PSMD14: variants seen among roughly 807,000 people sequenced by gnomAD.
PSMD14 encodes ubiquitin C-terminal hydrolase PSMD14.
PSMD14 carries 7 observed loss-of-function variants against 41.2 expected under a neutral mutation model. The observed-to-expected ratio is 0.17, with a 90% CI of 0.10 to 0.32. The LOEUF (loss-of-function observed/expected upper bound fraction) is 0.32. Ranked by LOEUF, PSMD14 falls within the 10% of genes least tolerant of loss-of-function variation. PSMD14 has a pLI of 1.00. For missense variants in PSMD14, 139 were observed against 375.6 expected, an observed-to-expected ratio of 0.37 and a Z score of 5.21; for synonymous variants, 114 against 122.3, an observed-to-expected ratio of 0.93 and a Z score of 0.45.
At chr2:161,390,448 T>A (rs1683696944) in intron 8 of PSMD14, among the ~76,000 whole-genome samples, 1 of 152,136 alleles carries the variant, frequency 6.6e-6, no homozygotes, top group South Asian at 2.1e-4. Flanking sequence ...TTTCAGGACA[T>A]CCAGGATTAT....
chr2:161,321,285 G>A (rs1486920775), intron 3 of PSMD14, among the ~76,000 whole-genome samples: 2 of 152,122 alleles, frequency 1.3e-5, no homozygotes, highest in Non-Finnish European at 2.9e-5. Context: ...ACAGGTAAAG[G>A]CCTCATATGA....
chr2:161,403,679 T>C (rs1243463181), intron 10 of PSMD14, among the ~76,000 whole-genome samples: 1 of 152,068 alleles, frequency 6.6e-6, no homozygotes, highest in African/African-American at 2.4e-5. Flanking sequence ...TTATCACTGT[T>C]GTGTTGTTGA....
intron 10 of PSMD14, among the ~76,000 whole-genome samples, chr2:161,405,529 G>A (rs1255788868): frequency 1.3e-5 from 2 of 151,830 alleles, no homozygotes; most frequent in African/African-American, 4.8e-5. Flanking sequence ...GATGTTTTAA[G>A]GATTCAGTAA....
intron 3 of PSMD14, among the ~76,000 whole-genome samples, chr2:161,355,611 G>A (rs1360372118): frequency 1.3e-5 from 2 of 151,896 alleles, no homozygotes; most frequent in Non-Finnish European, 2.9e-5. Flanking sequence ...CTGAGATCAT[G>A]CCATAAAAGG....
chr2:161,399,826 C>G (rs1420763877), intron 10 of PSMD14, among the ~76,000 whole-genome samples: 1 of 152,100 alleles, frequency 6.6e-6, no homozygotes, highest in Non-Finnish European at 1.5e-5. Context: ...GCATATAACT[C>G]TTTAAACCAC....
intron 3 of PSMD14, among the ~76,000 whole-genome samples, chr2:161,322,270 T>A (rs1281319765): frequency 6.6e-6 from 1 of 152,256 alleles, no homozygotes; most frequent in Non-Finnish European, 1.5e-5. Flanking sequence ...ACTATGATAC[T>A]GATTTTTATG....
intron 3 of PSMD14, among the ~76,000 whole-genome samples, chr2:161,341,768 G>T (rs1350413773): frequency 6.7e-6 from 1 of 149,974 alleles, no homozygotes; most frequent in African/African-American, 2.5e-5. Flanking sequence ...GAACCCGGGA[G>T]GCAAAGGTTG....
chr2:161,383,997 A>G (rs1326491297), intron 7 of PSMD14: 1 of 151,654 alleles, frequency 6.6e-6, no homozygotes, highest in Non-Finnish European at 1.5e-5. Context: ...TATGTTTAGA[A>G]AAAAATTTTA....
In PSMD14 at chr2:161,403,910, AT is replaced by A. The variant is rs1000876605; in HGVS notation, c.772-4914del. 4.8e-3 allele frequency among the ~76,000 whole-genome samples: 702 copies of A among 145,220 alleles called. 7 individuals carry two copies. Among genetic ancestry groups the A allele is most frequent in the East Asian group, 0.04 (201 of 5,008 alleles). On this transcript the variant is annotated intron_variant, in intron 10 of 11. Coordinates refer to ENST00000409682, the MANE Select transcript of PSMD14 (RefSeq NM_005805.6). ...TTGTTCTTCTATCAAATGAATTTAA[AT>A]TTTTTTTTTTTTAAGGGACCAGGTC... is the stretch of plus-strand genomic sequence containing the variant.
chr2:161,371,053 C>CAAA (rs771054705), intron 6 of PSMD14, 119 bp from the exon 7 acceptor site: 69 of 1,155,304 alleles, frequency 6.0e-5, no homozygotes, highest in Non-Finnish European at 6.0e-5. Context: ...GGTGCTTTTT[C>CAAA]ACACCTGTGT....
chr2:161,336,819 A>G (rs762330119), intron 3 of PSMD14, among the ~76,000 whole-genome samples: 5 of 152,102 alleles, frequency 3.3e-5, no homozygotes, highest in Non-Finnish European at 7.4e-5. Context: ...CAGGTGATCC[A>G]CTGCCTCAGC....
intron 7 of PSMD14, chr2:161,384,743 T>C (rs1208266683): frequency 1.3e-5 from 2 of 151,848 alleles, no homozygotes; most frequent in Admixed American, 1.3e-4. Context: ...TATTGTATCA[T>C]AGGAGAATTT....
intron 1 of PSMD14, 143 bp from the exon 2 acceptor site, chr2:161,316,294 T>C (rs1481945114): frequency 6.6e-6 from 1 of 152,258 alleles, no homozygotes; most frequent in Non-Finnish European, 1.5e-5. Context: ...GATCATTCTA[T>C]ACTCTCAGAA....
At chr2:161,352,378 C>A (rs1683130369) in intron 3 of PSMD14, among the ~76,000 whole-genome samples, 1 of 152,192 alleles carries the variant, frequency 6.6e-6, no homozygotes, top group Non-Finnish European at 1.5e-5. Flanking sequence ...GGCTTACATT[C>A]ATTGCTTATT....
intron 1 of PSMD14, among the ~76,000 whole-genome samples, chr2:161,309,749 G>A (rs1046457680): frequency 2.0e-5 from 3 of 152,166 alleles, no homozygotes; most frequent in Admixed American, 1.3e-4. Context: ...TCTTGCCAAG[G>A]GAAGAAAGTT....
At chr2:161,401,946 T>C (rs1683884919) in intron 10 of PSMD14, among the ~76,000 whole-genome samples, 2 of 152,216 alleles carry the variant, frequency 1.3e-5, no homozygotes, top group South Asian at 2.1e-4. Context: ...TGAACTGTGT[T>C]TCCTTATCTC....
At chr2:161,378,469 C>G (rs1683531771) in intron 7 of PSMD14, among the ~76,000 whole-genome samples, 2 of 151,902 alleles carry the variant, frequency 1.3e-5, no homozygotes, top group African/African-American at 4.8e-5. Context: ...GTAAAAATTT[C>G]TATAGCATAG....
intron 3 of PSMD14, among the ~76,000 whole-genome samples, chr2:161,337,701 A>G (rs1440315304): frequency 6.6e-6 from 1 of 152,230 alleles, no homozygotes; most frequent in Non-Finnish European, 1.5e-5. Context: ...GACTGTGAAC[A>G]GTAAGTAGTA....
At chr2:161,363,572 ACTTT>A (rs1409106400) in intron 3 of PSMD14, among the ~76,000 whole-genome samples, 12 of 152,102 alleles carry the variant, frequency 7.9e-5, no homozygotes, top group African/African-American at 2.4e-4. Flanking sequence ...TATTTAGGTG[ACTTT>A]CTTTTTGAAT....
Sources: gnomAD v4.1 joint callset for allele counts (sites outside exome capture counted in the v4.1 genomes callset) on GRCh38, gnomAD v4.1.1 for gene constraint, MANE v1.5 for transcripts, NCBI Gene and HGNC (gene_info 2026-07-23, HGNC 2026-07-21) for gene names.